The following MLLT1 variants were observed in gnomAD, a reference collection of about 807,000 sequenced individuals.
MLLT1 encodes the protein MLLT1 super elongation complex subunit, also known as protein ENL.
MLLT1 carries 11 observed loss-of-function variants against 55.1 expected under a neutral mutation model. The ratio of observed to expected loss-of-function variants is 0.20; its 90% confidence interval spans 0.13 to 0.33. The LOEUF is 0.33. Among genes scored for constraint, MLLT1 ranks in the 10% least tolerant of loss-of-function variants. The pLI is 1.00. For synonymous variants in MLLT1, 323 were observed against 320.1 expected (o/e 1.01, Z -0.10); for missense variants, 536 against 760.6 (o/e 0.70, Z 3.47).
chr19:6,211,241 T>A lies in MLLT1; in HGVS notation c.*1801A>T, dbSNP rs1260919046. ...AAGGAAGCGCCCCATGGTGGAGTATTGTTGGCCGCCCTGGGAAGGGGAGAG... is the reference window on the plus strand; with the variant it reads ...AAGGAAGCGCCCCATGGTGGAGTATAGTTGGCCGCCCTGGGAAGGGGAGAG... On this transcript the variant is annotated 3_prime_UTR_variant, in exon 12 of 12. Coordinates refer to ENST00000252674, the MANE Select transcript of MLLT1 (RefSeq NM_005934.4). The surrounding 1 kb of genome is among the most constrained non-coding windows in gnomAD (Gnocchi z 4.6). 4.3e-6 allele frequency: 1 copy of A among 232,334 alleles called. No homozygotes were observed. The highest frequency in any genetic ancestry group is 8.5e-6 in the Non-Finnish European group (1 of 117,622). The allele number at this position is 232,334 out of a possible 1,614,324, so 14.4% of individuals were successfully genotyped here. A position where few individuals can be genotyped will look rare whatever the true frequency, so the allele number is the denominator to read the frequency against.
intron 3 of MLLT1, among the ~76,000 whole-genome samples, chr19:6,241,218 G>A (rs764129517): frequency 3.3e-5 from 5 of 152,126 alleles, no homozygotes; most frequent in Admixed American, 2.6e-4. Flanking sequence ...AACTGAGGCC[G>A]CCGGAACCCA....
Position 6,216,460 on chromosome 19 carries a change from C to T in MLLT1, c.1252G>A (p.Asp418Asn), listed in dbSNP as rs769887699. 8 of 1,609,138 alleles carry T rather than the reference C, an allele frequency of 5.0e-6. No homozygotes were observed. Among genetic ancestry groups the T allele is most frequent in the Middle Eastern group, 1.8e-4 (1 of 5,688 alleles). ...GCAGCCTCCTCGCCTGACGAAGAGT[C>T]GTCCTCGTCGGACTCCTCGGACTGC... ...DLQSEESDED[D>N]SSSGEEAAGK... is the part of the protein sequence containing the mutation. The change falls in exon 8 of 12, where the codon GAC (aspartate) becomes AAC (asparagine). Residue 418 changes from aspartate to asparagine, a missense_variant. Coordinates refer to ENST00000252674, the MANE Select transcript of MLLT1 (RefSeq NM_005934.4).
chr19:6,277,983 G>A (rs964446831), intron 1 of MLLT1, among the ~76,000 whole-genome samples: 50 of 152,206 alleles, frequency 3.3e-4, no homozygotes, highest in African/African-American at 1.2e-3. Flanking sequence ...CAAACCAGAT[G>A]GGAAGCCATG....
intron 2 of MLLT1, among the ~76,000 whole-genome samples, chr19:6,266,076 C>G (rs2091346817): frequency 6.6e-6 from 1 of 151,930 alleles, no homozygotes; most frequent in African/African-American, 2.4e-5. Context: ...CCCAAGAGTT[C>G]AAGACCAACT....
chr19:6,228,460 A>T (rs56090725), intron 4 of MLLT1, among the ~76,000 whole-genome samples: 5 of 152,152 alleles, frequency 3.3e-5, no homozygotes, highest in African/African-American at 1.2e-4. Flanking sequence ...CAGGAGGACC[A>T]GGCTCCCCGG....
chr19:6,259,250 C>A (rs2091283378), intron 3 of MLLT1: 1 of 152,294 alleles, frequency 6.6e-6, no homozygotes, highest in South Asian at 2.1e-4. Context: ...CCATGGCTAA[C>A]CACCAAACGC....
At chr19:6,279,667 G>A (rs2091447736) in intron 1 of MLLT1, 106 bp downstream of exon 1, 1 of 150,318 alleles carries the variant, frequency 6.7e-6, no homozygotes, top group African/African-American at 2.4e-5. Context: ...CACAAAGCGG[G>A]CGGGCGGGCG....
At chr19:6,246,923 C>T (rs771278721) in intron 3 of MLLT1, among the ~76,000 whole-genome samples, 28 of 152,220 alleles carry the variant, frequency 1.8e-4, no homozygotes, top group Admixed American at 8.5e-4. Flanking sequence ...GAAAGAGCTG[C>T]ACGCCAATGC....
intron 8 of MLLT1, among the ~76,000 whole-genome samples, chr19:6,214,840 C>T (rs936466233): frequency 2.0e-5 from 3 of 152,210 alleles, no homozygotes; most frequent in African/African-American, 7.2e-5. Flanking sequence ...GCGGCTCGAG[C>T]ACACCGGACT....
Position 6,270,545 on chromosome 19 carries a change from G to A in MLLT1, c.193+34C>T, listed in dbSNP as rs528793511. 25 of 1,589,132 alleles carry A rather than the reference G, an allele frequency of 1.6e-5. No individual in the cohort carries two copies. The highest frequency in any genetic ancestry group is 2.3e-5 in the South Asian group (2 of 86,226). On this transcript the variant is annotated intron_variant, in intron 2 of 11. Coordinates refer to ENST00000252674, the MANE Select transcript of MLLT1 (RefSeq NM_005934.4). The surrounding 1 kb of genome is among the most constrained non-coding windows in gnomAD (Gnocchi z 7.1). ...GGGAGGAGTGAAGACAGATGGGTCCGTGCTGTGGGCACTCAGGGCTTGAGG... is the reference window on the plus strand; with the variant it reads ...GGGAGGAGTGAAGACAGATGGGTCCATGCTGTGGGCACTCAGGGCTTGAGG...
At position 6,240,621 on chromosome 19, in the gene MLLT1, G is replaced by A. The variant is rs1354467803; in HGVS notation, c.277-9908C>T. 6.6e-6 allele frequency among the ~76,000 whole-genome samples: 1 copy of A among 152,196 alleles called. No individual in the cohort carries two copies. The highest frequency in any genetic ancestry group is 1.5e-5 in the Non-Finnish European group (1 of 68,040). ...AAGAAAGCAAACCACGAGACTGAGA[G>A]CACCACGGAACCCTACAGCTCTCAG... On this transcript the variant is annotated intron_variant, in intron 3 of 11. Transcript: ENST00000252674. The surrounding 1 kb of genome is among the most constrained non-coding windows in gnomAD (Gnocchi z 4.7).
chr19:6,235,528 C>T lies in MLLT1; in HGVS notation c.277-4815G>A, dbSNP rs571365056. ...CCAAAGCACTGGGATGCCCCAGGGACGCTCCCTAGCTCTGCCCACTGCCTG... is the reference window on the plus strand; with the variant it reads ...CCAAAGCACTGGGATGCCCCAGGGATGCTCCCTAGCTCTGCCCACTGCCTG... On this transcript the variant is annotated intron_variant, in intron 3 of 11. Transcript: ENST00000252674. This position sits in a 1 kb window ranked among gnomAD's most constrained non-coding sequence, Gnocchi z 5.5. Among the ~76,000 whole-genome samples the T allele has an allele frequency of 3.9e-5, 6 of 152,300 alleles. No homozygotes were observed. The highest frequency in any genetic ancestry group is 4.1e-4 in the South Asian group (2 of 4,834).
At chr19:6,252,243 T>G (rs2091222126) in intron 3 of MLLT1, among the ~76,000 whole-genome samples, 1 of 152,216 alleles carries the variant, frequency 6.6e-6, no homozygotes, top group Admixed American at 6.5e-5. Context: ...TACCAGGCTT[T>G]CGACCTCAGA....
chr19:6,239,470 C>T (rs909211300), intron 3 of MLLT1, among the ~76,000 whole-genome samples: 17 of 152,158 alleles, frequency 1.1e-4, no homozygotes, highest in Admixed American at 4.6e-4. Flanking sequence ...CCAGGCACAG[C>T]GGCCTGTGCT....
In MLLT1 at chr19:6,265,776, T is replaced by C. The variant is rs545250091; in HGVS notation, c.194-3466A>G. ...CAGGCGGATCACGAGGTTAACAGAT[T>C]GAGGCCATCCTGACCAACATGGTGA... On this transcript the variant is annotated intron_variant, in intron 2 of 11. Coordinates refer to ENST00000252674, the MANE Select transcript of MLLT1 (RefSeq NM_005934.4). Among the ~76,000 whole-genome samples the C allele has an allele frequency of 2.0e-5, 3 of 152,090 alleles. No individual in the cohort carries two copies. The East Asian group carries it at 5.8e-4, about 29-fold the overall frequency.
intron 5 of MLLT1, among the ~76,000 whole-genome samples, chr19:6,225,518 G>C (rs1340457600): frequency 2.0e-5 from 3 of 152,188 alleles, no homozygotes; most frequent in Admixed American, 2.0e-4. Flanking sequence ...CTAGGGCTCG[G>C]GGCAGAGGGG....
rs535113226 is a variant in MLLT1 at position 6,226,541 on chromosome 19, G to A, written c.546+436C>T. 1.3e-5 allele frequency among the ~76,000 whole-genome samples: 2 copies of A among 152,292 alleles called. No homozygotes were observed. Among genetic ancestry groups the A allele is most frequent in the East Asian group, 1.9e-4 (1 of 5,150 alleles). ...GAAACTCTGCAGTGAGCCATAGCCC[G>A]AGATGCAAAGCCTGGCATAGCCAAG... On this transcript the variant is annotated intron_variant, in intron 5 of 11. Coordinates refer to ENST00000252674, the MANE Select transcript of MLLT1 (RefSeq NM_005934.4). This position sits in a 1 kb window ranked among gnomAD's most constrained non-coding sequence, Gnocchi z 6.3.
chr19:6,219,404 C>A lies in MLLT1; in HGVS notation c.1111-1363G>T, dbSNP rs868191780. Among the ~76,000 whole-genome samples, 1 of 152,318 alleles carries A rather than the reference C, an allele frequency of 6.6e-6. No homozygotes were observed. Among genetic ancestry groups the A allele is most frequent in the South Asian group, 2.1e-4 (1 of 4,830 alleles). ...GACACATACCCCAGAGCGTCCAGGA[C>A]CCCTGGCTGGGCCTGCCTGGAGCTG... On this transcript the variant is annotated intron_variant, in intron 6 of 11. Transcript: ENST00000252674. The surrounding 1 kb of genome is among the most constrained non-coding windows in gnomAD (Gnocchi z 4.5).
intron 3 of MLLT1, among the ~76,000 whole-genome samples, chr19:6,243,244 C>T (rs910264955): frequency 3.3e-5 from 5 of 152,168 alleles, no homozygotes; most frequent in Non-Finnish European, 5.9e-5. Context: ...GGGGCCCCCA[C>T]CCCGGGAAGG....
Sources: allele counts gnomAD v4.1 joint callset (sites outside exome capture counted in the v4.1 genomes callset), GRCh38; gene constraint gnomAD v4.1.1; non-coding constraint Gnocchi (gnomAD v3.1); transcripts MANE v1.5; gene names NCBI Gene and HGNC (gene_info 2026-07-23, HGNC 2026-07-21).